PID1: variants seen among roughly 807,000 people sequenced by gnomAD.
PID1 encodes the protein PTB-containing, cubilin and LRP1-interacting protein.
PID1 carries 10 observed loss-of-function variants against 19.1 expected under a neutral mutation model. The observed-to-expected ratio is 0.52, with a 90% CI of 0.32 to 0.89. The LOEUF (loss-of-function observed/expected upper bound fraction) is 0.89. Ranked by LOEUF, PID1 falls within the 40% of genes least tolerant of loss-of-function variation. The pLI is 0.03. For missense variants in PID1, 248 were observed against 285.3 expected, an observed-to-expected ratio of 0.87 and a Z score of 0.94; for synonymous variants, 130 against 116.0, an observed-to-expected ratio of 1.12 and a Z score of -0.78.
rs576405884 is a variant in PID1 at position 229,058,782 on chromosome 2, C to G, written c.178-32674G>C. 1.0e-4 allele frequency among the ~76,000 whole-genome samples: 15 copies of G among 147,476 alleles called. No individual in the cohort carries two copies. The East Asian group carries it at 3.0e-3, about 29-fold the overall frequency. ...GGGCAAAGTCAGAATCTATTTTTTC[C>G]CTACCACTGATTGTAACATGTCCTT... On this transcript the variant is annotated intron_variant, in intron 2 of 2. Transcript: ENST00000392055.
intron 2 of PID1, among the ~76,000 whole-genome samples, chr2:229,107,594 G>A (rs1174243365): frequency 6.6e-6 from 1 of 151,876 alleles, no homozygotes; most frequent in Admixed American, 6.6e-5. Context: ...CTACAAAAAG[G>A]TCCTTCAAAA....
At chr2:229,220,339 A>T (rs1014776674) in intron 1 of PID1, among the ~76,000 whole-genome samples, 5 of 152,206 alleles carry the variant, frequency 3.3e-5, no homozygotes, top group African/African-American at 1.2e-4. Flanking sequence ...AGAGCCCCAG[A>T]TGGAGGGGCA....
rs1559274344 is a variant in PID1 at position 229,184,402 on chromosome 2, GTATATATCTATCCCGTA to G, written c.31-28455_31-28439del. Among the ~76,000 whole-genome samples the G allele has an allele frequency of 7.0e-3, 41 of 5,828 alleles. 17 individuals carry two copies. The highest frequency in any genetic ancestry group is 0.039 in the African/African-American group (39 of 988). The allele number at this position is 5,828 out of a possible 152,430, so 3.8% of individuals were successfully genotyped here. A position where few individuals can be genotyped will look rare whatever the true frequency, so the allele number is the denominator to read the frequency against. On this transcript the variant is annotated intron_variant, in intron 1 of 2. Coordinates refer to ENST00000392055, the MANE Select transcript of PID1 (RefSeq NM_001100818.2). The stretch of plus-strand genomic sequence containing the variant: ...TATCTATCCCGTATATATCTATCCC[GTATATATCTATCCCGTA>G]TATATATAGCCCGTATATATATATA...
At chr2:229,261,589 G>T (rs1330720341) in intron 1 of PID1, among the ~76,000 whole-genome samples, 1 of 152,198 alleles carries the variant, frequency 6.6e-6, no homozygotes, top group African/African-American at 2.4e-5. Context: ...TCTGAGGAAA[G>T]GTTTGTCATG....
intron 1 of PID1, among the ~76,000 whole-genome samples, chr2:229,265,317 CA>C (rs1323067357): frequency 6.6e-6 from 1 of 152,188 alleles, no homozygotes; most frequent in African/African-American, 2.4e-5. Flanking sequence ...CACGTGGCAT[CA>C]GCATTAAGTG....
rs564647280 is a variant in PID1, at chr2:229,271,028, T to C, written c.16A>G (p.Thr6Ala). 3.2e-4 allele frequency: 497 copies of C among 1,543,192 alleles called. 2 individuals are homozygous for C. The highest frequency in any genetic ancestry group is 2.8e-3 in the South Asian group (233 of 83,540). Residue 6 changes from threonine (T) to alanine (A), a missense_variant, in exon 1 of 3, where the codon ACG (threonine) becomes GCG (alanine). By Grantham distance (58) the Thr-to-Ala change is moderately conservative (BLOSUM62 0). Transcript: ENST00000392055. Reference protein sequence around the residue: MWQPATERLQHFQTML... With the variant: MWQPAAERLQHFQTML... ...GTGCCCCTTACCTGCAGGCGCTCCG[T>C]GGCCGGCTGCCACATCTTCCAGCCC...
intron 1 of PID1, among the ~76,000 whole-genome samples, chr2:229,171,367 T>C (rs1419162314): frequency 6.6e-6 from 1 of 152,224 alleles, no homozygotes; most frequent in African/African-American, 2.4e-5. Context: ...GACAGCATTA[T>C]GTCGCAAAGC....
At chr2:229,078,181 C>A (rs1218325566) in intron 2 of PID1, among the ~76,000 whole-genome samples, 1 of 152,120 alleles carries the variant, frequency 6.6e-6, no homozygotes, top group Non-Finnish European at 1.5e-5. Flanking sequence ...TGGGAGTTTG[C>A]TCATGATTTG....
chr2:229,147,741 GCTGATCC>G (rs1386811764), intron 2 of PID1, among the ~76,000 whole-genome samples: 1 of 151,982 alleles, frequency 6.6e-6, no homozygotes, highest in Non-Finnish European at 1.5e-5. Flanking sequence ...ATGAATCTTT[GCTGATCC>G]CCCAGGAGTT....
chr2:229,085,748 T>C (rs1429178572), intron 2 of PID1, among the ~76,000 whole-genome samples: 1 of 152,092 alleles, frequency 6.6e-6, no homozygotes. Context: ...AAGTATATGG[T>C]TCATCAGACC....
intron 2 of PID1, among the ~76,000 whole-genome samples, chr2:229,068,643 C>G (rs1039512310): frequency 6.6e-6 from 1 of 152,044 alleles, no homozygotes; most frequent in East Asian, 1.9e-4. Context: ...AGGTGAAAAG[C>G]GAGTTTGGGA....
intron 2 of PID1, among the ~76,000 whole-genome samples, chr2:229,049,825 GT>G (rs778300674): frequency 9.9e-5 from 15 of 152,114 alleles, no homozygotes; most frequent in Non-Finnish European, 2.1e-4. Flanking sequence ...TGGAAAAAAT[GT>G]GCTGCATTAC....
intron 2 of PID1, among the ~76,000 whole-genome samples, chr2:229,032,241 GGTCCCCT>G (rs1693569964): frequency 6.6e-6 from 1 of 152,120 alleles, no homozygotes; most frequent in Non-Finnish European, 1.5e-5. Flanking sequence ...TAAATAGAGA[GGTCCCCT>G]CCTGCCATGG....
chr2:229,221,702 C>A (rs1352256429), intron 1 of PID1, among the ~76,000 whole-genome samples: 2 of 152,164 alleles, frequency 1.3e-5, no homozygotes, highest in Non-Finnish European at 2.9e-5. Context: ...CCCTCTCTCC[C>A]AAGGAAAAGA....
At chr2:229,250,374 G>T (rs1337478007) in intron 1 of PID1, among the ~76,000 whole-genome samples, 1 of 152,062 alleles carries the variant, frequency 6.6e-6, no homozygotes, top group Non-Finnish European at 1.5e-5. Context: ...TTTAAAGATG[G>T]GCTAGAAAAC....
At chr2:229,073,023 CATTT>C (rs759116123) in intron 2 of PID1, among the ~76,000 whole-genome samples, 47 of 152,212 alleles carry the variant, frequency 3.1e-4, no homozygotes, top group Non-Finnish European at 5.1e-4. Context: ...TAATTGCTGC[CATTT>C]ATTTATTTAT....
intron 1 of PID1, among the ~76,000 whole-genome samples, chr2:229,198,271 C>A (rs140282929): frequency 6.6e-6 from 1 of 152,100 alleles, no homozygotes; most frequent in Non-Finnish European, 1.5e-5. Context: ...ACATAAATAC[C>A]TTTCAAACAT....
At chr2:229,155,393 C>G (rs1202290935) in intron 2 of PID1, among the ~76,000 whole-genome samples, 1 of 151,940 alleles carries the variant, frequency 6.6e-6, no homozygotes, top group South Asian at 2.1e-4. Context: ...GGTGAAACCC[C>G]GTCTCTCCTA....
intron 2 of PID1, among the ~76,000 whole-genome samples, chr2:229,036,381 A>G (rs4973146): frequency 0.57 from 86,251 of 151,958 alleles, 24,517 homozygotes; most frequent in Non-Finnish European, 0.59. Context: ...CTTTTGTTTG[A>G]TTTGTTCCCA....
Sources: allele counts gnomAD v4.1 joint callset (sites outside exome capture counted in the v4.1 genomes callset), GRCh38; gene constraint gnomAD v4.1.1; transcripts MANE v1.5; gene names NCBI Gene and HGNC (gene_info 2026-07-23, HGNC 2026-07-21).